VPS13C: variants seen among roughly 807,000 people sequenced by gnomAD.
VPS13C encodes intermembrane lipid transfer protein VPS13C.
A neutral mutation model predicts 456.8 loss-of-function variants in VPS13C; 358 were observed. That is an observed-to-expected ratio of 0.78 (90% CI 0.72 to 0.86). The LOEUF (loss-of-function observed/expected upper bound fraction) is 0.86. VPS13C is among the 40% of genes least tolerant of loss of function. VPS13C has a pLI of 0.00. For synonymous variants in VPS13C, 1,578 were observed against 1,486.7 expected (o/e 1.06, Z -1.41); for missense variants, 4,818 against 4,385.4 (o/e 1.10, Z -2.79).
chr15:61,963,481 A>G (rs1218763290), intron 32 of VPS13C, among the ~76,000 whole-genome samples: 1 of 152,102 alleles, frequency 6.6e-6, no homozygotes, highest in Non-Finnish European at 1.5e-5. Context: ...AGGTAAAAAA[A>G]AAAGATTAAA....
chr15:62,016,579 T>C (rs2047258190), intron 9 of VPS13C, among the ~76,000 whole-genome samples: 1 of 151,976 alleles, frequency 6.6e-6, no homozygotes, highest in Admixed American at 6.6e-5. Flanking sequence ...GCTTCATCCA[T>C]GTCCCTACAA....
intron 47 of VPS13C, among the ~76,000 whole-genome samples, chr15:61,940,022 T>C (rs1179732788): frequency 1.3e-5 from 2 of 151,922 alleles, no homozygotes; most frequent in African/African-American, 4.8e-5. Flanking sequence ...TGTATACTTA[T>C]CAAATATACA....
chr15:61,862,637 T>A (rs901078259), intron 82 of VPS13C, among the ~76,000 whole-genome samples: 23 of 152,166 alleles, frequency 1.5e-4, no homozygotes, highest in African/African-American at 5.6e-4. Flanking sequence ...TAAAATCTGC[T>A]TTTTAGATTG....
At chr15:61,947,509 A>G (rs1053815027) in intron 42 of VPS13C, among the ~76,000 whole-genome samples, 200 bp from the exon 43 acceptor site, 7 of 152,124 alleles carry the variant, frequency 4.6e-5, no homozygotes, top group African/African-American at 1.7e-4. Flanking sequence ...GTTCCCCTTC[A>G]AATTAAGAAT....
At position 61,931,251 on chromosome 15, in the gene VPS13C, T is replaced by G. The variant is rs1204087087; in HGVS notation, c.5877A>C (p.Gly1959=). The change falls in exon 50 of 85, where the codon GGA becomes GGC. Residue 1959 remains glycine, a synonymous_variant. Coordinates refer to ENST00000644861, the MANE Select transcript of VPS13C (RefSeq NM_020821.3). ...GGAAACTGTCATTATGAAATGCAAC[T>G]CCAGATTCCTATGGTACATTTTTCA... ...LYNNDINQES[G]VAFHNDSFQL... 6.2e-7 allele frequency: 1 copy of G among 1,613,210 alleles called. No homozygotes were observed. Among genetic ancestry groups the G allele is most frequent in the Admixed American group, 1.7e-5 (1 of 59,916 alleles).
chr15:61,873,243 T>C lies in VPS13C; in HGVS notation c.10578+3A>G, dbSNP rs533656729. On this transcript the variant is annotated splice_donor_region_variant and intron_variant, in intron 78 of 84. Coordinates refer to ENST00000644861, the MANE Select transcript of VPS13C (RefSeq NM_020821.3). ...TTTCTTAAAGATTCAGCAAAGAACT[T>C]ACTCGCAGAAAGCCCTTTCCTCCTC... 8 of 1,613,440 alleles carry C rather than the reference T, an allele frequency of 5.0e-6. No individual in the cohort carries two copies. Among genetic ancestry groups the C allele is most frequent in the Non-Finnish European group, 6.8e-6 (8 of 1,179,576 alleles).
intron 47 of VPS13C, among the ~76,000 whole-genome samples, chr15:61,938,473 T>G (rs1355507900): frequency 6.6e-6 from 1 of 152,062 alleles, no homozygotes; most frequent in Non-Finnish European, 1.5e-5. Flanking sequence ...CCAGGAAAAC[T>G]ATACAGACTA....
chr15:61,997,713 C>A (rs1444461003), intron 16 of VPS13C, among the ~76,000 whole-genome samples: 2 of 152,104 alleles, frequency 1.3e-5, no homozygotes, highest in African/African-American at 4.8e-5. Flanking sequence ...ACTGGCTGTA[C>A]CCTCAAAGTA....
intron 66 of VPS13C, among the ~76,000 whole-genome samples, chr15:61,900,510 C>T (rs940817558): frequency 2.9e-4 from 44 of 152,088 alleles, no homozygotes; most frequent in African/African-American, 7.2e-4. Flanking sequence ...CCATTCACAA[C>T]TGATTCAAAG....
chr15:62,007,408 T>C lies in VPS13C; in HGVS notation c.1190A>G (p.Asn397Ser). The part of the protein sequence containing the change: ...RRYTQMWSWS[N>S]IKKHRQLLKS... Reference sequence around the variant, plus strand: ...GAGTAACTGCCTGTGCTTTTTTATGTTACTCCATGACCACATCTGTGTATA... The same window carrying C: ...GAGTAACTGCCTGTGCTTTTTTATGCTACTCCATGACCACATCTGTGTATA... The change falls in exon 15 of 85, where the codon AAC (asparagine) becomes AGC (serine). Residue 397 changes from asparagine (N) to serine (S), a missense_variant. Physicochemically the swap from Asn to Ser is conservative, Grantham distance 46. Around this residue, in one of 3 missense-constraint regions of VPS13C, gnomAD observed 4,552 missense variants for 4,130.6 expected, o/e 1.10. Transcript: ENST00000644861. 1 of 1,613,156 alleles carries C rather than the reference T, an allele frequency of 6.2e-7. No homozygotes were observed. Among genetic ancestry groups the C allele is most frequent in the Non-Finnish European group, 8.5e-7 (1 of 1,179,582 alleles).
Position 61,853,466 on chromosome 15 carries a change from G to A in VPS13C, c.*991C>T, listed in dbSNP as rs1893748136. ...TAAATACTTCCAAATTTTTATGAATGCTACATTACAGAGGGCAGAGTGTAG... is the reference window on the plus strand; with the variant it reads ...TAAATACTTCCAAATTTTTATGAATACTACATTACAGAGGGCAGAGTGTAG... On this transcript the variant is annotated 3_prime_UTR_variant, in exon 85 of 85. Transcript: ENST00000644861. 1 of 152,216 alleles carries A rather than the reference G, an allele frequency of 6.6e-6. No homozygotes were observed. Among genetic ancestry groups the A allele is most frequent in the African/African-American group, 2.4e-5 (1 of 41,532 alleles). The allele number at this position is 152,216 out of a possible 1,614,324, so 9.4% of individuals were successfully genotyped here. A position where few individuals can be genotyped will look rare whatever the true frequency, so the allele number is the denominator to read the frequency against.
At chr15:62,011,986 T>C (rs1012218413) in intron 12 of VPS13C, 121 bp downstream of exon 12, 68 of 600,570 alleles carry the variant, frequency 1.1e-4, no homozygotes, top group Non-Finnish European at 1.8e-4. Context: ...TGTATCATAA[T>C]AGTAAGGTAT....
At chr15:62,003,671 CTTA>C (rs1268553575) in intron 15 of VPS13C, among the ~76,000 whole-genome samples, 13 of 151,690 alleles carry the variant, frequency 8.6e-5, no homozygotes, top group Non-Finnish European at 1.5e-4. Context: ...ATAAATAGCT[CTTA>C]TTATTTTGAG....
At chr15:62,037,482 TTGTAAG>T (rs2048100945) in intron 3 of VPS13C, among the ~76,000 whole-genome samples, 2 of 108,470 alleles carry the variant, frequency 1.8e-5, no homozygotes, top group African/African-American at 5.0e-5. Flanking sequence ...ATTTATTATA[TTGTAAG>T]AATATAATAA....
At chr15:61,972,907 A>T in intron 26 of VPS13C, 143 bp from the exon 27 acceptor site, 1 of 832,466 alleles carries the variant, frequency 1.2e-6, no homozygotes, top group Non-Finnish European at 1.8e-6. Context: ...GCCTTTTTTA[A>T]ACTTCTACCA....
intron 1 of VPS13C, among the ~76,000 whole-genome samples, chr15:62,059,283 G>C (rs1163089387): frequency 1.3e-5 from 2 of 152,186 alleles, no homozygotes; most frequent in African/African-American, 4.8e-5. Flanking sequence ...GTGGCTAGTG[G>C]TTACCCTAGT....
intron 5 of VPS13C, among the ~76,000 whole-genome samples, 189 bp downstream of exon 5, chr15:62,033,252 C>T (rs1019000383): frequency 6.6e-6 from 1 of 151,094 alleles, no homozygotes; most frequent in Admixed American, 6.6e-5. Flanking sequence ...ATAAAACACT[C>T]ACAGAAAAAA....
Position 61,941,932 on chromosome 15 carries a change from C to G in VPS13C, c.5284G>C (p.Ala1762Pro). ...GACTGAGGAATAATAATAACTGGTG[C>G]TTTCAAATTAATATCCATCAAAAGG... The part of the protein sequence containing the change: ...FRLLMDINLK[A>P]PVIIIPQSSV... The change falls in exon 46 of 85, where the codon GCA (alanine) becomes CCA (proline). Residue 1762 changes from alanine to proline, a missense_variant. Coordinates refer to ENST00000644861, the MANE Select transcript of VPS13C (RefSeq NM_020821.3). The G allele has an allele frequency of 6.2e-7, 1 of 1,613,922 alleles. No homozygotes were observed. Among genetic ancestry groups the G allele is most frequent in the Non-Finnish European group, 8.5e-7 (1 of 1,179,896 alleles).
intron 45 of VPS13C, 44 bp downstream of exon 45, chr15:61,945,671 T>A (rs556476201): frequency 4.7e-6 from 7 of 1,476,848 alleles, no homozygotes; most frequent in Non-Finnish European, 6.4e-6. Flanking sequence ...TAAGCAAAGA[T>A]ATTTAGGCCT....
Sources: allele counts gnomAD v4.1 joint callset (sites outside exome capture counted in the v4.1 genomes callset), GRCh38; gene constraint gnomAD v4.1.1; regional missense constraint gnomAD v4.1.1; transcripts MANE v1.5; gene names NCBI Gene and HGNC (gene_info 2026-07-23, HGNC 2026-07-21).